The following CEP128 variants were observed in gnomAD, a reference collection of about 807,000 sequenced individuals.
The protein encoded by CEP128 is centrosomal protein 128kDa.
CEP128 carries 132 observed loss-of-function variants against 156.7 expected under a neutral mutation model. The ratio of observed to expected loss-of-function variants is 0.84; its 90% CI spans 0.73 to 0.97. The LOEUF (loss-of-function observed/expected upper bound fraction) is 0.97, where lower values mean the gene tolerates loss of function less well. CEP128 is among the 50% of genes least tolerant of loss of function. The pLI is 0.00. For missense variants in CEP128, 1,252 were observed against 1,281.9 expected, an observed-to-expected ratio of 0.98 and a Z score of 0.36; for synonymous variants, 469 against 448.9, an observed-to-expected ratio of 1.04 and a Z score of -0.57.
At chr14:80,633,013 G>T (rs1894025696) in intron 19 of CEP128, among the ~76,000 whole-genome samples, 1 of 152,138 alleles carries the variant, frequency 6.6e-6, no homozygotes, top group Non-Finnish European at 1.5e-5. Flanking sequence ...GATTGCTTGA[G>T]CCCAGGAGTG....
intron 23 of CEP128, among the ~76,000 whole-genome samples, chr14:80,521,667 T>C (rs1888751947): frequency 1.3e-5 from 2 of 152,220 alleles, no homozygotes; most frequent in African/African-American, 4.8e-5. Flanking sequence ...ATGTAAGCAT[T>C]ACTGGAAAAA....
At chr14:80,642,945 AG>A (rs1399001901) in intron 19 of CEP128, among the ~76,000 whole-genome samples, 1 of 151,940 alleles carries the variant, frequency 6.6e-6, no homozygotes, top group African/African-American at 2.4e-5. Context: ...TAGTAGAAGC[AG>A]GGTTTCACCG....
At chr14:80,656,519 G>A (rs74066056) in intron 19 of CEP128, among the ~76,000 whole-genome samples, 5,648 of 150,862 alleles carry the variant, frequency 0.037, 330 homozygotes, top group African/African-American at 0.13. Context: ...ATTGAACTCC[G>A]TTTTGTTTTC....
chr14:80,538,884 A>G (rs1030674363), intron 21 of CEP128, among the ~76,000 whole-genome samples: 4 of 152,198 alleles, frequency 2.6e-5, no homozygotes, highest in Admixed American at 1.3e-4. Flanking sequence ...CACATTGGCA[A>G]CACTTACTGG....
chr14:80,574,523 C>T (rs1163846552), intron 20 of CEP128, among the ~76,000 whole-genome samples: 6 of 152,178 alleles, frequency 3.9e-5, no homozygotes, highest in Non-Finnish European at 7.4e-5. Flanking sequence ...ATCTTGCCAG[C>T]TTCCAGGAGG....
At chr14:80,833,437 A>G (rs1885914031) in intron 12 of CEP128, among the ~76,000 whole-genome samples, 1 of 151,930 alleles carries the variant, frequency 6.6e-6, no homozygotes, top group South Asian at 2.1e-4. Context: ...AGTATATGTA[A>G]TGAAACATTT....
In CEP128 at chr14:80,523,027, G is replaced by A. The variant is rs1888813394; in HGVS notation, c.3072+3842C>T. ...GCTGATCCTTTTTGTCCTGGTGATT[G>A]CCACAGGAATAAACAGAGGAGATGG... On this transcript the variant is annotated intron_variant, in intron 23 of 24. Coordinates refer to ENST00000555265, the MANE Select transcript of CEP128 (RefSeq NM_152446.5). Among the ~76,000 whole-genome samples, 3 of 152,190 alleles carry A rather than the reference G, an allele frequency of 2.0e-5. No homozygotes were observed. The South Asian group carries it at 6.2e-4, about 32-fold the overall frequency.
intron 19 of CEP128, among the ~76,000 whole-genome samples, chr14:80,739,767 T>C (rs976400234): frequency 6.6e-6 from 1 of 152,168 alleles, no homozygotes; most frequent in Non-Finnish European, 1.5e-5. Flanking sequence ...AGGAAGCTCT[T>C]AGAGGATACC....
intron 19 of CEP128, among the ~76,000 whole-genome samples, chr14:80,738,051 C>T (rs1217660516): frequency 6.6e-6 from 1 of 152,154 alleles, no homozygotes; most frequent in Non-Finnish European, 1.5e-5. Flanking sequence ...TGTTTTGGGA[C>T]TAAAGGACAC....
intron 21 of CEP128, among the ~76,000 whole-genome samples, chr14:80,548,314 A>G (rs1001103513): frequency 2.0e-5 from 3 of 152,196 alleles, no homozygotes; most frequent in African/African-American, 7.2e-5. Context: ...AATAATTTTC[A>G]GCTAAAGATT....
At position 80,509,034 on chromosome 14, in the gene CEP128, G is replaced by A. The variant is rs370020123; in HGVS notation, c.3073-4014C>T. 6.3e-4 allele frequency among the ~76,000 whole-genome samples: 96 copies of A among 151,834 alleles called. 1 individual carries two copies. Among genetic ancestry groups the A allele is most frequent in the African/African-American group, 1.9e-3 (79 of 41,182 alleles). On this transcript the variant is annotated intron_variant, in intron 23 of 24. Transcript: ENST00000555265. Reference sequence around the variant, plus strand: ...ACTTCACATGGCACCAGGAGAGAGCGAGCATGGGAAACTGCCACTTTGAAA... The same window carrying A: ...ACTTCACATGGCACCAGGAGAGAGCAAGCATGGGAAACTGCCACTTTGAAA...
rs762077854 is a variant in CEP128 at position 80,504,967 on chromosome 14, G to C, written c.3126C>G (p.Ser1042=). ...GSHTRGLDHS[S]SWQDHSRFLS... is the part of the protein sequence containing the mutation. ...GGAAGCGACTGTGATCCTGCCAAGA[G>C]GATGAGTGATCTAACCCACGAGTGT... The change falls in exon 24 of 25, where the codon TCC becomes TCG. Residue 1042 remains serine, a synonymous_variant. Coordinates refer to ENST00000555265, the MANE Select transcript of CEP128 (RefSeq NM_152446.5). The C allele has an allele frequency of 5.6e-6, 9 of 1,605,242 alleles. No individual in the cohort carries two copies. The Admixed American group carries it at 1.5e-4, about 27-fold the overall frequency.
chr14:80,804,069 T>A (rs924653937), intron 13 of CEP128, among the ~76,000 whole-genome samples: 1 of 152,010 alleles, frequency 6.6e-6, no homozygotes. Flanking sequence ...TGCAAAATTA[T>A]GTGGATGTTT....
chr14:80,603,954 T>G (rs763109133), intron 19 of CEP128, among the ~76,000 whole-genome samples: 1 of 152,204 alleles, frequency 6.6e-6, no homozygotes, highest in Non-Finnish European at 1.5e-5. Flanking sequence ...ATCAATTCAG[T>G]GAAATGTTGT....
intron 2 of CEP128, chr14:80,955,849 C>T (rs1566735516): frequency 6.2e-7 from 1 of 1,614,190 alleles, no homozygotes; most frequent in Non-Finnish European, 8.5e-7. Context: ...TACGCAGACT[C>T]TGTGAGTACC....
intron 14 of CEP128, among the ~76,000 whole-genome samples, chr14:80,791,309 A>G (rs1901693397): frequency 6.6e-6 from 1 of 152,204 alleles, no homozygotes; most frequent in South Asian, 2.1e-4. Context: ...AATCACTTTA[A>G]AACTGCTTCT....
In CEP128 at chr14:80,617,404, T is replaced by A. The variant is rs1893268383; in HGVS notation, c.2807-36981A>T. The stretch of plus-strand genomic sequence containing the variant: ...AGACGCCACGCCTGGCTAATTTTTC[T>A]TTTTGCATTTTTAGTAGAGACGGGG... On this transcript the variant is annotated intron_variant, in intron 19 of 24. Transcript: ENST00000555265. Among the ~76,000 whole-genome samples the A allele has an allele frequency of 2.0e-5, 3 of 151,718 alleles. No homozygotes were observed. The South Asian group carries it at 6.3e-4, about 32-fold the overall frequency.
chr14:80,812,851 C>T (rs535571653), intron 13 of CEP128, among the ~76,000 whole-genome samples: 58 of 152,314 alleles, frequency 3.8e-4, no homozygotes, highest in African/African-American at 1.4e-3. Context: ...GCGTGAGCCA[C>T]CGCGCCCGGC....
chr14:80,718,309 T>A (rs945750632), intron 19 of CEP128, among the ~76,000 whole-genome samples: 4 of 152,182 alleles, frequency 2.6e-5, no homozygotes, highest in Admixed American at 6.6e-5. Flanking sequence ...TTTCATCTTT[T>A]CAGCAAAAGT....
Sources: allele counts gnomAD v4.1 joint callset (sites outside exome capture counted in the v4.1 genomes callset), GRCh38; gene constraint gnomAD v4.1.1; transcripts MANE v1.5; gene names NCBI Gene and HGNC (gene_info 2026-07-23, HGNC 2026-07-21).